The following C10orf67 variants were observed in gnomAD, a reference collection of about 807,000 sequenced individuals.
C10orf67 encodes the protein chromosome 10 open reading frame 67, also known as uncharacterized protein C10orf67, mitochondrial.
A neutral mutation model predicts 35.6 loss-of-function variants in C10orf67; 60 were observed. The ratio of observed to expected loss-of-function variants is 1.68; its 90% confidence interval spans 1.37 to 2.09. The LOEUF is 2.09. Among genes scored for constraint, C10orf67 ranks in the 30% most tolerant of loss-of-function variants. C10orf67 has a pLI of 0.00. For missense variants in C10orf67, 474 were observed against 330.2 expected (o/e 1.44, Z -3.38); for synonymous variants, 167 against 115.8 (o/e 1.44, Z -2.84).
chr10:23,315,669 G>C (rs569077821), intron 4 of C10orf67, among the ~76,000 whole-genome samples: 3 of 152,228 alleles, frequency 2.0e-5, no homozygotes, highest in African/African-American at 7.2e-5. Context: ...TCAAACTCCT[G>C]AGCCCAAGTG....
intron 13 of C10orf67, among the ~76,000 whole-genome samples, chr10:23,230,941 T>C (rs900346751): frequency 1.3e-5 from 2 of 152,252 alleles, no homozygotes; most frequent in Middle Eastern, 3.4e-3. Flanking sequence ...GCAGAGGCTA[T>C]TTATTGTCCT....
At chr10:23,258,715 G>A (rs903299708) in intron 10 of C10orf67, among the ~76,000 whole-genome samples, 1 of 152,178 alleles carries the variant, frequency 6.6e-6, no homozygotes, top group African/African-American at 2.4e-5. Context: ...AGCTTACAAT[G>A]AGATCATTCG....
At chr10:23,224,722 G>C (rs1055736813) in intron 13 of C10orf67, among the ~76,000 whole-genome samples, 1 of 152,194 alleles carries the variant, frequency 6.6e-6, no homozygotes, top group Non-Finnish European at 1.5e-5. Flanking sequence ...CAAGAACTAC[G>C]TGACGAATGC....
rs1358185576 is a variant in C10orf67 at position 23,282,829 on chromosome 10, CA to C, written c.910-752del. 3.3e-5 allele frequency among the ~76,000 whole-genome samples: 5 copies of C among 151,946 alleles called. 1 individual carries two copies. In the East Asian group the frequency reaches 9.7e-4, roughly 29 times the overall value. On this transcript the variant is annotated intron_variant, in intron 7 of 15. Coordinates refer to ENST00000636213, the MANE Select transcript of C10orf67 (RefSeq NM_001371909.1). ...CTAGAAACAAGACCCTGTCTTTAAA[CA>C]AACCAACCATTTATTTGTGGGAGCT...
chr10:23,245,563 C>A (rs1478741524), intron 12 of C10orf67, among the ~76,000 whole-genome samples: 1 of 152,146 alleles, frequency 6.6e-6, no homozygotes, highest in East Asian at 1.9e-4. Flanking sequence ...ATAGACATTT[C>A]CCCAAAGAAG....
rs187963862 is a variant in C10orf67, at chr10:23,305,117, C to T, written c.547-1658G>A. ...GTCTGCTCATCCAAATGCACAAACA[C>T]GAACATAAGGCTATATAGTTAGTGA... On this transcript the variant is annotated intron_variant, in intron 4 of 15. Coordinates refer to ENST00000636213, the MANE Select transcript of C10orf67 (RefSeq NM_001371909.1). Among the ~76,000 whole-genome samples the T allele has an allele frequency of 4.3e-4, 65 of 152,228 alleles. 1 individual carries two copies. The highest frequency in any genetic ancestry group is 3.4e-3 in the Middle Eastern group (1 of 294).
intron 4 of C10orf67, among the ~76,000 whole-genome samples, chr10:23,307,648 C>G (rs369044762): frequency 9.3e-5 from 14 of 150,040 alleles, no homozygotes; most frequent in African/African-American, 3.0e-4. Context: ...TCACTCTCAC[C>G]CAGGCTGGAG....
intron 5 of C10orf67, among the ~76,000 whole-genome samples, chr10:23,298,293 C>T (rs1843959283): frequency 1.3e-5 from 2 of 152,090 alleles, no homozygotes; most frequent in Admixed American, 6.6e-5. Flanking sequence ...ACAATGAGGC[C>T]AACCCTTTGC....
intron 15 of C10orf67, among the ~76,000 whole-genome samples, chr10:23,219,972 G>C (rs908497852): frequency 6.6e-6 from 1 of 152,174 alleles, no homozygotes; most frequent in South Asian, 2.1e-4. Context: ...AGGAGTTGGA[G>C]ACCAGTCTAG....
At chr10:23,263,304 T>G (rs1448294089) in intron 10 of C10orf67, among the ~76,000 whole-genome samples, 1 of 152,104 alleles carries the variant, frequency 6.6e-6, no homozygotes, top group African/African-American at 2.4e-5. Context: ...AGGAGAAAAA[T>G]AGTAAATTTC....
intron 5 of C10orf67, among the ~76,000 whole-genome samples, chr10:23,302,984 C>T (rs1434326966): frequency 3.9e-5 from 6 of 152,094 alleles, no homozygotes; most frequent in Non-Finnish European, 7.4e-5. Flanking sequence ...TGGGAGTCTT[C>T]GGTTACAACA....
At chr10:23,293,075 T>A (rs982990797) in intron 5 of C10orf67, among the ~76,000 whole-genome samples, 28 of 152,112 alleles carry the variant, frequency 1.8e-4, no homozygotes, top group Non-Finnish European at 2.6e-4. Flanking sequence ...TTCCTAACAG[T>A]GGCAGAATAT....
At chr10:23,311,439 C>T (rs780674248) in intron 4 of C10orf67, among the ~76,000 whole-genome samples, 46 of 152,130 alleles carry the variant, frequency 3.0e-4, no homozygotes, top group Non-Finnish European at 5.7e-4. Flanking sequence ...GGGCCGGGCA[C>T]GGTGGCTCAT....
chr10:23,275,227 G>A (rs72802183), intron 8 of C10orf67, among the ~76,000 whole-genome samples: 27,283 of 152,104 alleles, frequency 0.18, 3,095 homozygotes, highest in Non-Finnish European at 0.26. Context: ...ACAGTGGCAC[G>A]TAGTCCCAGC....
In C10orf67 at chr10:23,226,982, C is replaced by T. The variant is rs11492466; in HGVS notation, c.1435-3164G>A. On this transcript the variant is annotated intron_variant, in intron 13 of 15. Transcript: ENST00000636213. ...CAACCAAAAAAAGTCCAGGACCAGA[C>T]GGATTCACAGCCAAATTCTGCCAGA... Among the ~76,000 whole-genome samples the T allele has an allele frequency of 8.2e-3, 1,250 of 152,248 alleles. 11 individuals are homozygous for T. The highest frequency in any genetic ancestry group is 0.017 in the Middle Eastern group (5 of 294).
intron 2 of C10orf67, among the ~76,000 whole-genome samples, chr10:23,332,454 G>A (rs906382984): frequency 6.6e-6 from 1 of 152,116 alleles, no homozygotes; most frequent in African/African-American, 2.4e-5. Flanking sequence ...AGGCTGAGGT[G>A]GGTGGATTGC....
At chr10:23,292,158 CTTTTT>C (rs542812504) in intron 5 of C10orf67, among the ~76,000 whole-genome samples, 1 of 69,314 alleles carries the variant, frequency 1.4e-5, no homozygotes, top group Non-Finnish European at 2.6e-5. Context: ...GACAGCTACT[CTTTTT>C]TTTTTTTTTT....
At chr10:23,323,947 A>AT (rs1845080915) in intron 2 of C10orf67, among the ~76,000 whole-genome samples, 1 of 79,102 alleles carries the variant, frequency 1.3e-5, no homozygotes, top group African/African-American at 5.7e-5. Flanking sequence ...ATATATATAT[A>AT]TATATACACA....
At position 23,344,344 on chromosome 10, in the gene C10orf67, G is replaced by A. The variant is rs1846051413; in HGVS notation, c.206+225C>T. 4.4e-5 allele frequency: 26 copies of A among 586,462 alleles called. No homozygotes were observed. The South Asian group carries it at 5.2e-4, about 12-fold the overall frequency. 36.3% of individuals were successfully genotyped at this position (586,462 alleles called of 1,614,324 possible). A position where few individuals can be genotyped will look rare whatever the true frequency, so the allele number is the denominator to read the frequency against. ...GGGGAGGGAGCACGCGCGGGAGGAGGGGAGTGGAGAGGGGGAGGAGGAGGC... is the reference window on the plus strand; with the variant it reads ...GGGGAGGGAGCACGCGCGGGAGGAGAGGAGTGGAGAGGGGGAGGAGGAGGC... On this transcript the variant is annotated intron_variant, in intron 1 of 15. Transcript: ENST00000636213.
Sources: allele counts gnomAD v4.1 joint callset (sites outside exome capture counted in the v4.1 genomes callset), GRCh38; gene constraint gnomAD v4.1.1; transcripts MANE v1.5; gene names NCBI Gene and HGNC (gene_info 2026-07-23, HGNC 2026-07-21).